POM121L2: variants seen among roughly 807,000 people sequenced by gnomAD.
POM121L2 encodes the protein POM121 transmembrane nucleoporin like 2.
For synonymous variants in POM121L2, 459 were observed against 483.8 expected, an observed-to-expected ratio of 0.95 and a Z score of 0.67; for missense variants, 1,167 against 1,260.3, an observed-to-expected ratio of 0.93 and a Z score of 1.12.
At position 27,311,761 on chromosome 6, in the gene POM121L2, T is replaced by C; in HGVS notation, c.410A>G (p.Asp137Gly). The C allele has an allele frequency of 5.2e-6, 8 of 1,551,758 alleles. No homozygotes were observed. The highest frequency in any genetic ancestry group is 6.1e-6 in the Non-Finnish European group (7 of 1,147,006). The change falls in exon 1 of 1, where the codon GAT becomes GGT. Residue 137 changes from aspartate (D) to glycine (G), a missense_variant. Asp to Gly is a moderately conservative substitution (Grantham distance 94). Coordinates refer to ENST00000444565, the MANE Select transcript of POM121L2 (RefSeq NM_033482.4). ...QRVPPSTSPEDVIALAGLPPS... is the reference protein window; with the variant it reads ...QRVPPSTSPEGVIALAGLPPS... Reference sequence around the variant, plus strand: ...CGGGAGTCCTGCAAGGGCAATTACATCTTCAGGAGAAGTGGAAGGGGGCAC... The same window carrying C: ...CGGGAGTCCTGCAAGGGCAATTACACCTTCAGGAGAAGTGGAAGGGGGCAC...
rs1760704968 is a variant in POM121L2, at chr6:27,308,975, T to C, written c.*88A>G. On this transcript the variant is annotated 3_prime_UTR_variant, in exon 1 of 1. Transcript: ENST00000444565. ...AAGCTCCAGTTTTAGATCTGGAGTA[T>C]GTTTACTTTAGAAAATTGGAAGACA... 1.0e-6 allele frequency: 1 copy of C among 973,138 alleles called. No individual in the cohort carries two copies. The highest frequency in any genetic ancestry group is 2.6e-5 in the East Asian group (1 of 38,004). The allele number at this position is 973,138 out of a possible 1,614,324, so 60.3% of individuals were successfully genotyped here. A position where few individuals can be genotyped will look rare whatever the true frequency, so the allele number is the denominator to read the frequency against.
chr6:27,312,261 G>T lies in POM121L2; in HGVS notation c.-91C>A. On this transcript the variant is annotated 5_prime_UTR_variant, in exon 1 of 1. Transcript: ENST00000444565. This position sits in a 1 kb window ranked among gnomAD's most constrained non-coding sequence, Gnocchi z 6.7. ...GCAGAATCGGACAGAGTCGAAGAGC[G>T]CAGTGTTCGGTTGACGGTTGGGATT... 1 of 805,728 alleles carries T rather than the reference G, an allele frequency of 1.2e-6. No homozygotes were observed. The highest frequency in any genetic ancestry group is 1.8e-6 in the Non-Finnish European group (1 of 540,788). 49.9% of individuals were successfully genotyped at this position (805,728 alleles called of 1,614,324 possible).
Position 27,309,594 on chromosome 6 carries a change from T to C in POM121L2, c.2577A>G (p.Gln859=). The C allele has an allele frequency of 6.4e-7, 1 of 1,551,800 alleles. No homozygotes were observed. The highest frequency in any genetic ancestry group is 8.7e-7 in the Non-Finnish European group (1 of 1,146,994). ...GGIPAGFPIS[Q]ASTTGFRIVI... ...CAATTCTAAACCCAGTTGTACTAGC[T>C]TGACTAATGGGAAAACCTGCTGGAA... is the stretch of plus-strand genomic sequence containing the variant. The change falls in exon 1 of 1, where the codon CAA becomes CAG. Residue 859 remains glutamine, a synonymous_variant. Coordinates refer to ENST00000444565, the MANE Select transcript of POM121L2 (RefSeq NM_033482.4).
At position 27,309,792 on chromosome 6, in the gene POM121L2, T is replaced by C; in HGVS notation, c.2379A>G (p.Pro793=). 1.3e-6 allele frequency: 2 copies of C among 1,551,710 alleles called. No individual in the cohort carries two copies. Among genetic ancestry groups the C allele is most frequent in the Non-Finnish European group, 8.7e-7 (1 of 1,146,978 alleles). The change falls in exon 1 of 1, where the codon CCA becomes CCG. Residue 793 remains proline, a synonymous_variant. Coordinates refer to ENST00000444565, the MANE Select transcript of POM121L2 (RefSeq NM_033482.4). The stretch of plus-strand genomic sequence containing the variant: ...CAAAAAGAAAAGAACTACTGACACT[T>C]GGCATAAGGGCTGGCTGGGAAGGCC... ...KQGPSQPALM[P]SVSSSFLFGS...
Position 27,309,917 on chromosome 6 carries a change from T to C in POM121L2, c.2254A>G (p.Ile752Val), listed in dbSNP as rs1249808515. Residue 752 changes from isoleucine to valine, a missense_variant, in exon 1 of 1, where the codon ATC becomes GTC. Physicochemically the swap from Ile to Val is conservative, Grantham distance 29. Transcript: ENST00000444565. The part of the protein sequence containing the change: ...TPSISNLTPA[I>V]TSPLGSSSRP... The stretch of plus-strand genomic sequence containing the variant: ...GAGCTTGATCCCAAGGGACTTGTGA[T>C]TGCTGGAGTCAGGTTGGAGATGCTG... The C allele has an allele frequency of 9.0e-6, 14 of 1,551,576 alleles. No individual in the cohort carries two copies. In the Admixed American group the frequency reaches 2.6e-4, roughly 28 times the overall value.
Position 27,311,906 on chromosome 6 carries a change from G to C in POM121L2, c.265C>G (p.Leu89Val). The C allele has an allele frequency of 6.4e-7, 1 of 1,551,686 alleles. No homozygotes were observed. The highest frequency in any genetic ancestry group is 1.2e-5 in the South Asian group (1 of 84,066). Residue 89 changes from leucine (L) to valine (V), a missense_variant, in exon 1 of 1, where the codon CTG (leucine) becomes GTG (valine). Leu to Val is a conservative substitution (Grantham distance 32). Coordinates refer to ENST00000444565, the MANE Select transcript of POM121L2 (RefSeq NM_033482.4). The stretch of plus-strand genomic sequence containing the variant: ...CACCAGTCTGAAGGGAGAGGCCCCA[G>C]GGGGGAATTCTGGGACTTCTTCATG... ...FPMKKSQNSP[L>V]GPLPSDWWES...
In POM121L2 at chr6:27,309,132, G is replaced by A. The variant is rs768139368; in HGVS notation, c.3039C>T (p.Gly1013=). The A allele has an allele frequency of 1.9e-6, 3 of 1,551,754 alleles. No individual in the cohort carries two copies. Among genetic ancestry groups the A allele is most frequent in the Non-Finnish European group, 1.7e-6 (2 of 1,147,010 alleles). Residue 1013 remains glycine (G), a synonymous_variant, in exon 1 of 1, where the codon GGC becomes GGT. Transcript: ENST00000444565. ...GATTCTTTGGGGTTTTTGATTTTGC[G>A]CCAATGGAAAATGAAGAGGCTGATG... ...FRSSASSFSI[G]AKSKTPKNRE... is the part of the protein sequence containing the mutation.
chr6:27,311,588 C>G lies in POM121L2; in HGVS notation c.583G>C (p.Ala195Pro), dbSNP rs1218506596. 6.4e-7 allele frequency: 1 copy of G among 1,551,624 alleles called. No individual in the cohort carries two copies. Among genetic ancestry groups the G allele is most frequent in the Non-Finnish European group, 8.7e-7 (1 of 1,147,026 alleles). The change falls in exon 1 of 1, where the codon GCA (alanine) becomes CCA (proline). Residue 195 changes from alanine (A) to proline (P), a missense_variant. By Grantham distance (27) the Ala-to-Pro change is conservative. Transcript: ENST00000444565. ...CCATTTTTCATCAGGGGCTTAAATG[C>G]CGATGGTCTGGTCTCTGGACTCCTT... ...KRRSPETRPS[A>P]FKPLMKNGTL...
chr6:27,312,254 G>C lies in POM121L2; in HGVS notation c.-84C>G. 1 of 840,664 alleles carries C rather than the reference G, an allele frequency of 1.2e-6. No homozygotes were observed. Among genetic ancestry groups the C allele is most frequent in the Non-Finnish European group, 1.8e-6 (1 of 568,576 alleles). The allele number at this position is 840,664 out of a possible 1,614,324, so 52.1% of individuals were successfully genotyped here. The stretch of plus-strand genomic sequence containing the variant: ...GACGTCTGCAGAATCGGACAGAGTC[G>C]AAGAGCGCAGTGTTCGGTTGACGGT... On this transcript the variant is annotated 5_prime_UTR_variant, in exon 1 of 1. Coordinates refer to ENST00000444565, the MANE Select transcript of POM121L2 (RefSeq NM_033482.4). This position sits in a 1 kb window ranked among gnomAD's most constrained non-coding sequence, Gnocchi z 6.7.
Position 27,311,315 on chromosome 6 carries a change from T to G in POM121L2, c.856A>C (p.Ile286Leu), listed in dbSNP as rs1308891480. The part of the protein sequence containing the change: ...SVSFETPEWP[I>L]KKEKSCHRPS... ...CGATGACAACTTTTTTCCTTTTTTA[T>G]TGGCCACTCTGGTGTCTCGAATGAT... The change falls in exon 1 of 1, where the codon ATA becomes CTA. Residue 286 changes from isoleucine (I) to leucine (L), a missense_variant. Physicochemically the swap from Ile to Leu is conservative, Grantham distance 5 (BLOSUM62 2). Transcript: ENST00000444565. 4 of 1,551,690 alleles carry G rather than the reference T, an allele frequency of 2.6e-6. No homozygotes were observed. The East Asian group carries it at 9.8e-5, about 38-fold the overall frequency.
chr6:27,312,113 T>G lies in POM121L2; in HGVS notation c.58A>C (p.Thr20Pro). Residue 20 changes from threonine (T) to proline (P), a missense_variant, in exon 1 of 1, where the codon ACC (threonine) becomes CCC (proline). Coordinates refer to ENST00000444565, the MANE Select transcript of POM121L2 (RefSeq NM_033482.4). This position sits in a 1 kb window ranked among gnomAD's most constrained non-coding sequence, Gnocchi z 6.7. ...LSPSSPAQVR[T>P]DLPERPTKRR... The stretch of plus-strand genomic sequence containing the variant: ...TTCGTGGGCCTCTCGGGCAAGTCGG[T>G]GCGCACCTGGGCTGGGGACGAGGGC... 1 of 1,472,914 alleles carries G rather than the reference T, an allele frequency of 6.8e-7. No individual in the cohort carries two copies. Among genetic ancestry groups the G allele is most frequent in the Non-Finnish European group, 9.0e-7 (1 of 1,109,598 alleles). 91.2% of individuals were successfully genotyped at this position (1,472,914 alleles called of 1,614,324 possible). A position where few individuals can be genotyped will look rare whatever the true frequency, so the allele number is the denominator to read the frequency against.
In POM121L2 at chr6:27,310,370, T is replaced by C. The variant is rs1330805140; in HGVS notation, c.1801A>G (p.Thr601Ala). ...GAAGCATGAGTAAATGGAGGAGGGG[T>C]CTGCTTGGAGGAGAAAGGAGCTATC... is the stretch of plus-strand genomic sequence containing the variant. ...PMIAPFSSKQTPPPFTHASTH... is the reference protein window; with the variant it reads ...PMIAPFSSKQAPPPFTHASTH... The change falls in exon 1 of 1, where the codon ACC becomes GCC. Residue 601 changes from threonine to alanine, a missense_variant. Coordinates refer to ENST00000444565, the MANE Select transcript of POM121L2 (RefSeq NM_033482.4). The C allele has an allele frequency of 1.3e-6, 2 of 1,551,632 alleles. No individual in the cohort carries two copies. Among genetic ancestry groups the C allele is most frequent in the South Asian group, 2.4e-5 (2 of 84,022 alleles).
upstream of POM121L2, chr6:27,312,047 G>A: frequency 6.6e-7 from 1 of 1,523,928 alleles, no homozygotes; most frequent in Non-Finnish European, 8.8e-7. The surrounding 1 kb of genome is among the most constrained non-coding windows in gnomAD (Gnocchi z 6.7). Flanking sequence ...TGGACGAACT[G>A]AACCCGATGA....
In POM121L2 at chr6:27,310,072, G is replaced by A. The variant is rs945785435; in HGVS notation, c.2099C>T (p.Thr700Ile). ...ACTGGAAAGGACCTGGGTAAACATG[G>A]TGACTGTATGCACAGTAGGAATTGT... is the stretch of plus-strand genomic sequence containing the variant. ...HPTIPTVHTV[T>I]MFTQVLSSVV... The change falls in exon 1 of 1, where the codon ACC (threonine) becomes ATC (isoleucine). Residue 700 changes from threonine to isoleucine, a missense_variant. By Grantham distance (89) the Thr-to-Ile change is moderately conservative. Transcript: ENST00000444565. 1 of 1,552,136 alleles carries A rather than the reference G, an allele frequency of 6.4e-7. No homozygotes were observed. The highest frequency in any genetic ancestry group is 1.4e-5 in the African/African-American group (1 of 73,074).
chr6:27,308,725 T>C lies in POM121L2; in HGVS notation c.*338A>G, dbSNP rs1760702583. ...CAGGATGTACGAAAAGATGTTCTAA[T>C]TGATAGACATTCAACTTATTTGGAA... On this transcript the variant is annotated 3_prime_UTR_variant, in exon 1 of 1. Coordinates refer to ENST00000444565, the MANE Select transcript of POM121L2 (RefSeq NM_033482.4). 2.0e-5 allele frequency among the ~76,000 whole-genome samples: 3 copies of C among 152,190 alleles called. No homozygotes were observed. Among genetic ancestry groups the C allele is most frequent in the South Asian group, 4.1e-4 (2 of 4,826 alleles).
Position 27,309,906 on chromosome 6 carries a change from G to C in POM121L2, c.2265C>G (p.Pro755=). 1 of 1,551,762 alleles carries C rather than the reference G, an allele frequency of 6.4e-7. No individual in the cohort carries two copies. The highest frequency in any genetic ancestry group is 8.7e-7 in the Non-Finnish European group (1 of 1,147,010). ...ISNLTPAITS[P]LGSSSRPPFP... is the part of the protein sequence containing the mutation. ...AAGGTGGCCTTGAGCTTGATCCCAA[G>C]GGACTTGTGATTGCTGGAGTCAGGT... The change falls in exon 1 of 1, where the codon CCC becomes CCG. Residue 755 remains proline (P), a synonymous_variant. Coordinates refer to ENST00000444565, the MANE Select transcript of POM121L2 (RefSeq NM_033482.4).
At chr6:27,309,243 A>AAG in intron 1 of POM121L2, 1 of 1,551,828 alleles carries the variant, frequency 6.4e-7, no homozygotes, top group Non-Finnish European at 8.7e-7. Flanking sequence ...TAGCTTGTCC[A>AAG]GGGACTGGGG....
chr6:27,308,713 A>T lies in POM121L2; in HGVS notation c.*350T>A, dbSNP rs1302522128. Among the ~76,000 whole-genome samples, 2 of 152,194 alleles carry T rather than the reference A, an allele frequency of 1.3e-5. No homozygotes were observed. Among genetic ancestry groups the T allele is most frequent in the Non-Finnish European group, 2.9e-5 (2 of 68,032 alleles). ...CAGTAGGGATGGCAGGATGTACGAA[A>T]AGATGTTCTAATTGATAGACATTCA... On this transcript the variant is annotated 3_prime_UTR_variant, in exon 1 of 1. Transcript: ENST00000444565.
upstream of POM121L2, chr6:27,311,418 GGAGCT>G: frequency 6.4e-7 from 1 of 1,551,764 alleles, no homozygotes; most frequent in Non-Finnish European, 8.7e-7. Flanking sequence ...CATTCCTTTT[GGAGCT>G]GAGGGTGCCA....
Sources: allele counts gnomAD v4.1 joint callset (sites outside exome capture counted in the v4.1 genomes callset), GRCh38; gene constraint gnomAD v4.1.1; non-coding constraint Gnocchi (gnomAD v3.1); transcripts MANE v1.5; gene names NCBI Gene and HGNC (gene_info 2026-07-23, HGNC 2026-07-21).